Variants in PCDHA1 observed in about 807,000 individuals in gnomAD.
PCDHA1 encodes protocadherin alpha 1, also known as protocadherin alpha-1.
PCDHA1 carries 42 observed loss-of-function variants against 61.3 expected under a neutral mutation model. The ratio of observed to expected loss-of-function variants is 0.69; its 90% CI spans 0.54 to 0.89. PCDHA1 has a LOEUF of 0.89. Among genes scored for constraint, PCDHA1 ranks in the 40% least tolerant of loss-of-function variants. PCDHA1 has a pLI of 0.00. For synonymous variants in PCDHA1, 610 were observed against 553.8 expected (o/e 1.10, Z -1.43); for missense variants, 1,256 against 1,235.3 (o/e 1.02, Z -0.25).
chr5:140,801,233 G>C (rs782589053), intron 1 of PCDHA1: 1 of 1,612,774 alleles, frequency 6.2e-7, no homozygotes, highest in African/African-American at 1.3e-5. Context: ...CTGGAGCCCA[G>C]TGCCTGCTGC....
At chr5:140,933,592 G>T (rs1034374854) in intron 1 of PCDHA1, among the ~76,000 whole-genome samples, 2 of 151,986 alleles carry the variant, frequency 1.3e-5, no homozygotes, top group Non-Finnish European at 2.9e-5. Context: ...TTTTTAGGTT[G>T]ATTTGTCTTT....
chr5:141,001,913 C>T (rs545106723), intron 3 of PCDHA1, among the ~76,000 whole-genome samples: 2 of 152,296 alleles, frequency 1.3e-5, no homozygotes, highest in South Asian at 2.1e-4. Flanking sequence ...AAAAAGACTG[C>T]AGTGGCTGAC....
intron 1 of PCDHA1, chr5:140,929,002 T>C (rs1584608620): frequency 6.2e-7 from 1 of 1,614,048 alleles, no homozygotes; most frequent in Non-Finnish European, 8.5e-7. Flanking sequence ...TTTCTTCGTG[T>C]GTACCAAGTT....
At position 140,842,490 on chromosome 5, in the gene PCDHA1, T is replaced by C. The variant is rs2150337276; in HGVS notation, c.2394+53806T>C. The C allele has an allele frequency of 9.9e-6, 16 of 1,613,892 alleles. No homozygotes were observed. In the South Asian group the frequency reaches 1.6e-4, roughly 17 times the overall value. On this transcript the variant is annotated intron_variant, in intron 1 of 3. Transcript: ENST00000504120. ...AACGGGCAGGTGACCTGCTCCCTGA[T>C]GCCCCATGTCCCCTTCAAGCTGGTG... is the stretch of plus-strand genomic sequence containing the variant.
chr5:140,984,230 A>C (rs1329517544), intron 3 of PCDHA1, among the ~76,000 whole-genome samples: 1 of 152,112 alleles, frequency 6.6e-6, no homozygotes, highest in Non-Finnish European at 1.5e-5. Flanking sequence ...GCTCTTATGG[A>C]GGCATTGTAG....
intron 1 of PCDHA1, chr5:140,927,567 C>A: frequency 6.2e-7 from 1 of 1,614,180 alleles, no homozygotes; most frequent in Non-Finnish European, 8.5e-7. Context: ...TTGTGGTGGA[C>A]ACAAATGACA....
At chr5:140,830,806 AT>A (rs1554133024) in intron 1 of PCDHA1, 1 of 158,086 alleles carries the variant, frequency 6.3e-6, no homozygotes, top group African/African-American at 2.4e-5. Flanking sequence ...TGGGATTTTC[AT>A]TTGTTTGCCT....
At chr5:140,923,275 C>T (rs1296197801) in intron 1 of PCDHA1, among the ~76,000 whole-genome samples, 1 of 152,128 alleles carries the variant, frequency 6.6e-6, no homozygotes, top group African/African-American at 2.4e-5. Flanking sequence ...CTTGTCTCTA[C>T]AAAAAATTAA....
chr5:140,998,646 C>A (rs1413467899), intron 3 of PCDHA1, among the ~76,000 whole-genome samples: 1 of 151,870 alleles, frequency 6.6e-6, no homozygotes, highest in Non-Finnish European at 1.5e-5. Context: ...CTCACTGCAA[C>A]CTCTGCCTCC....
At chr5:140,860,638 CGAA>C (rs2046489260) in intron 1 of PCDHA1, 1 of 152,104 alleles carries the variant, frequency 6.6e-6, no homozygotes, top group African/African-American at 2.4e-5. Context: ...GAATCAGGAA[CGAA>C]GAAGATAAGT....
At chr5:140,805,442 T>C (rs1044859925) in intron 1 of PCDHA1, 1 of 1,036,654 alleles carries the variant, frequency 9.6e-7, no homozygotes, top group Non-Finnish European at 1.2e-6. Context: ...GGTTTTTGTG[T>C]GTGTGTGTTT....
At chr5:140,798,446 G>A (rs1762328057) in intron 1 of PCDHA1, among the ~76,000 whole-genome samples, 2 of 152,192 alleles carry the variant, frequency 1.3e-5, no homozygotes, top group South Asian at 2.1e-4. Flanking sequence ...ATCACACTGG[G>A]GTTTTTCAGG....
rs1779768738 is a variant in PCDHA1, at chr5:140,845,237, A to G, written c.2394+56553A>G. On this transcript the variant is annotated intron_variant, in intron 1 of 3. Coordinates refer to ENST00000504120, the MANE Select transcript of PCDHA1 (RefSeq NM_018900.4). ...TTTAAAAAATATGATTATCTTTATT[A>G]TCCTGTTTGAATAATATGTGTTTTC... 2.0e-5 allele frequency among the ~76,000 whole-genome samples: 3 copies of G among 149,564 alleles called. 1 individual carries two copies. The South Asian group carries it at 6.4e-4, about 32-fold the overall frequency.
At chr5:140,965,876 C>T (rs1416182822) in intron 1 of PCDHA1, among the ~76,000 whole-genome samples, 1 of 152,152 alleles carries the variant, frequency 6.6e-6, no homozygotes, top group African/African-American at 2.4e-5. Flanking sequence ...GCCACTTGGC[C>T]GAGAGCAGAA....
At chr5:140,943,070 A>G (rs2093413648) in intron 1 of PCDHA1, among the ~76,000 whole-genome samples, 2 of 152,004 alleles carry the variant, frequency 1.3e-5, no homozygotes, top group Non-Finnish European at 2.9e-5. Context: ...CAGCCTGACC[A>G]ACATGGTGAA....
At chr5:140,809,149 C>G in intron 1 of PCDHA1, 1 of 1,613,944 alleles carries the variant, frequency 6.2e-7, no homozygotes. Context: ...TGAAGGACCA[C>G]GGCGAGCCCG....
chr5:140,965,229 C>A (rs1554227498), intron 1 of PCDHA1, among the ~76,000 whole-genome samples: 1 of 152,124 alleles, frequency 6.6e-6, no homozygotes, highest in Non-Finnish European at 1.5e-5. Context: ...AATGTGAGAA[C>A]CTGGGAAGAG....
chr5:140,903,163 G>T (rs2070058285), intron 1 of PCDHA1, among the ~76,000 whole-genome samples: 1 of 152,096 alleles, frequency 6.6e-6, no homozygotes, highest in Non-Finnish European at 1.5e-5. Flanking sequence ...GGTTGTGCTG[G>T]TTTACATTCC....
In PCDHA1 at chr5:140,831,519, CCTTT is replaced by C. The variant is rs1771594007; in HGVS notation, c.2394+42836_2394+42839del. On this transcript the variant is annotated intron_variant, in intron 1 of 3. Coordinates refer to ENST00000504120, the MANE Select transcript of PCDHA1 (RefSeq NM_018900.4). Reference sequence around the variant, plus strand: ...CACACGAGCACCACCATGCCCCCCACCTTTTTTTTTTTTTTTTTTTTTTTTAAGA... The same window carrying C: ...CACACGAGCACCACCATGCCCCCCACTTTTTTTTTTTTTTTTTTTTTAAGA... 7.3e-5 allele frequency among the ~76,000 whole-genome samples: 9 copies of C among 122,902 alleles called. No individual in the cohort carries two copies. In the South Asian group the frequency reaches 1.4e-3, roughly 19 times the overall value. The allele number at this position is 122,902 out of a possible 152,430, so 80.6% of individuals were successfully genotyped here.
Sources: allele counts gnomAD v4.1 joint callset (sites outside exome capture counted in the v4.1 genomes callset), GRCh38; gene constraint gnomAD v4.1.1; transcripts MANE v1.5; gene names NCBI Gene and HGNC (gene_info 2026-07-23, HGNC 2026-07-21).